The following NXPE2 variants were observed in gnomAD, a reference collection of about 807,000 sequenced individuals.
NXPE2 encodes NXPE family member 2.
NXPE2 carries 34 observed loss-of-function variants against 34.4 expected under a neutral mutation model. That is an observed-to-expected ratio of 0.99 (90% confidence interval 0.75 to 1.31). The LOEUF (loss-of-function observed/expected upper bound fraction) is 1.31, where lower values mean the gene tolerates loss of function less well. Among genes scored for constraint, NXPE2 ranks in the 40% most tolerant of loss-of-function variants. The probability of loss-of-function intolerance (pLI) is 0.00; values close to 1 mark genes in which losing one functional copy is unlikely to be tolerated. For synonymous variants in NXPE2, 235 were observed against 231.3 expected (o/e 1.02, Z -0.15); for missense variants, 649 against 672.5 (o/e 0.97, Z 0.39).
chr11:114,512,480 G>T, the NXPE2 span, among the ~76,000 whole-genome samples: 2 of 152,102 alleles, frequency 1.3e-5, no homozygotes, highest in Admixed American at 1.3e-4. Flanking sequence ...GGGTGGAGTT[G>T]AAGGACACCA....
At chr11:114,798,078 TTATATTTCCCTTATTTATA>T in the NXPE2 span, among the ~76,000 whole-genome samples, 1 of 152,226 alleles carries the variant, frequency 6.6e-6, no homozygotes, top group Non-Finnish European at 1.5e-5. Context: ...TTGCTTCTGC[TTATATTTCCCTTATTTATA>T]TATATATCTA....
the NXPE2 span, among the ~76,000 whole-genome samples, chr11:114,798,405 T>C: frequency 1.3e-5 from 2 of 152,162 alleles, no homozygotes; most frequent in African/African-American, 4.8e-5. Flanking sequence ...TCCCTTTTCT[T>C]CTTTCCAGAG....
the NXPE2 span, among the ~76,000 whole-genome samples, chr11:114,617,451 T>A: frequency 6.6e-6 from 1 of 152,092 alleles, no homozygotes; most frequent in Non-Finnish European, 1.5e-5. Context: ...GCCTCGTGGA[T>A]AACCACTGTT....
the NXPE2 span, among the ~76,000 whole-genome samples, chr11:114,775,945 C>T: frequency 6.6e-6 from 1 of 151,918 alleles, no homozygotes; most frequent in African/African-American, 2.4e-5. Flanking sequence ...GGGAACTAAT[C>T]CAGTCTGGCC....
chr11:114,704,495 T>A lies in NXPE2; in HGVS notation c.928+443T>A, dbSNP rs188487713. ...TTCTATGAACTAGAATTTCTGTGAA[T>A]TTTTTCTCAGTTTAATCATATGAAC... On this transcript the variant is annotated intron_variant, in intron 4 of 5. Coordinates refer to ENST00000389586, the MANE Select transcript of NXPE2 (RefSeq NM_182495.6). 2.8e-3 allele frequency among the ~76,000 whole-genome samples: 429 copies of A among 152,340 alleles called. 3 individuals carry two copies. The highest frequency in any genetic ancestry group is 0.021 in the Admixed American group (315 of 15,298).
upstream of NXPE2, among the ~76,000 whole-genome samples, chr11:114,677,577 G>A (rs750190963): frequency 3.3e-5 from 5 of 151,868 alleles, no homozygotes; most frequent in Non-Finnish European, 7.4e-5. Context: ...ATTATCTACC[G>A]AATCTCTGTG....
chr11:114,632,610 T>TTTTATATTATATATTTATATTTATA, the NXPE2 span, among the ~76,000 whole-genome samples: 1 of 103,346 alleles, frequency 9.7e-6, no homozygotes, highest in Non-Finnish European at 1.7e-5. Context: ...TATATTTATA[T>TTTTATATTATATATTTATATTTATA]TTTATATATA....
At chr11:114,615,981 G>T in the NXPE2 span, among the ~76,000 whole-genome samples, 21 of 150,780 alleles carry the variant, frequency 1.4e-4, no homozygotes, top group South Asian at 4.4e-3. Flanking sequence ...GTATTCTCTC[G>T]TGGAAAAGCA....
At chr11:114,466,885 T>C in the NXPE2 span, among the ~76,000 whole-genome samples, 2 of 152,202 alleles carry the variant, frequency 1.3e-5, no homozygotes, top group Non-Finnish European at 2.9e-5. Context: ...GCAGTGATGA[T>C]GTGGCCCCGA....
chr11:114,773,288 C>CCCCCCCCCCCCCCCG, the NXPE2 span, among the ~76,000 whole-genome samples: 94 of 95,882 alleles, frequency 9.8e-4, no homozygotes, highest in Non-Finnish European at 1.6e-3. Flanking sequence ...CACCCCCCCC[C>CCCCCCCCCCCCCCCG]CACCCCATTC....
At chr11:114,797,313 G>A in the NXPE2 span, among the ~76,000 whole-genome samples, 2 of 152,260 alleles carry the variant, frequency 1.3e-5, no homozygotes, top group Admixed American at 6.5e-5. Flanking sequence ...AAATTAGAAA[G>A]GTGAAACGAG....
chr11:114,703,889 G>T, intron 3 of NXPE2, 102 bp from the exon 4 acceptor site: 1 of 813,966 alleles, frequency 1.2e-6, no homozygotes, highest in South Asian at 1.6e-5. Flanking sequence ...AATAAGGGGG[G>T]AAAGGCATTT....
intron 1 of NXPE2, among the ~76,000 whole-genome samples, chr11:114,679,169 A>T (rs1363175960): frequency 6.6e-6 from 1 of 151,776 alleles, no homozygotes; most frequent in Non-Finnish European, 1.5e-5. Context: ...CTGCCTAAAA[A>T]AGTAAATGGG....
At chr11:114,713,331 C>A in the NXPE2 span, among the ~76,000 whole-genome samples, 6 of 152,124 alleles carry the variant, frequency 3.9e-5, no homozygotes, top group African/African-American at 1.4e-4. Flanking sequence ...CTTTTAAAAA[C>A]CCTCATGTAT....
chr11:114,488,480 T>G, the NXPE2 span, among the ~76,000 whole-genome samples: 1 of 152,166 alleles, frequency 6.6e-6, no homozygotes, highest in Non-Finnish European at 1.5e-5. Flanking sequence ...TCAGCAAATG[T>G]AAAAGAACAG....
chr11:114,527,688 TC>T, the NXPE2 span: 1 of 531,268 alleles, frequency 1.9e-6, no homozygotes, highest in Non-Finnish European at 3.3e-6. Flanking sequence ...TGAAATCATT[TC>T]CTTGAGTTCA....
the NXPE2 span, among the ~76,000 whole-genome samples, chr11:114,745,046 G>C: frequency 6.6e-6 from 1 of 152,052 alleles, no homozygotes; most frequent in East Asian, 1.9e-4. Flanking sequence ...ATATTCATGA[G>C]AATTTAAAAA....
chr11:114,712,607 C>T, the NXPE2 span, among the ~76,000 whole-genome samples: 1 of 152,174 alleles, frequency 6.6e-6, no homozygotes, highest in Non-Finnish European at 1.5e-5. Flanking sequence ...ATCAACAGAA[C>T]ACAAAACAGC....
At chr11:114,602,003 T>A in the NXPE2 span, among the ~76,000 whole-genome samples, 279 of 86,634 alleles carry the variant, frequency 3.2e-3, 1 homozygote, top group African/African-American at 0.013. Flanking sequence ...ATGTATCTAA[T>A]GTATTATATT....
Sources: gnomAD v4.1 joint callset for allele counts (sites outside exome capture counted in the v4.1 genomes callset) on GRCh38, gnomAD v4.1.1 for gene constraint, MANE v1.5 for transcripts, NCBI Gene and HGNC (gene_info 2026-07-23, HGNC 2026-07-21) for gene names.